The following SEMA5A variants were observed in gnomAD, a reference collection of about 807,000 sequenced individuals.
SEMA5A encodes semaphorin-5A.
SEMA5A carries 55 observed loss-of-function variants against 135.5 expected under a neutral mutation model. That is an observed-to-expected ratio of 0.41 (90% CI 0.33 to 0.51). SEMA5A has a LOEUF of 0.51. Ranked by LOEUF, SEMA5A falls within the 20% of genes least tolerant of loss-of-function variation. The pLI, the probability that SEMA5A is intolerant of heterozygous loss-of-function variation, is 0.37. For synonymous variants in SEMA5A, 580 were observed against 546.5 expected (o/e 1.06, Z -0.85); for missense variants, 1,290 against 1,419.9 (o/e 0.91, Z 1.47).
At position 9,545,289 on chromosome 5, in the gene SEMA5A, G is replaced by T. The variant is rs1368794731; in HGVS notation, c.-175+295C>A. 1.3e-5 allele frequency among the ~76,000 whole-genome samples: 2 copies of T among 152,060 alleles called. No individual in the cohort carries two copies. The highest frequency in any genetic ancestry group is 4.8e-5 in the African/African-American group (2 of 41,420). On this transcript the variant is annotated intron_variant, in intron 1 of 22. Coordinates refer to ENST00000382496, the MANE Select transcript of SEMA5A (RefSeq NM_003966.3). This position sits in a 1 kb window ranked among gnomAD's most constrained non-coding sequence, Gnocchi z 4.5. ...GGGTGTTGGGCAGGGGTCCCGTCTCGCCCACCGCGACACTCCGGCTCCTTA... is the reference window on the plus strand; with the variant it reads ...GGGTGTTGGGCAGGGGTCCCGTCTCTCCCACCGCGACACTCCGGCTCCTTA...
chr5:9,047,174 T>C (rs1348606915), intron 21 of SEMA5A, among the ~76,000 whole-genome samples: 2 of 152,218 alleles, frequency 1.3e-5, no homozygotes, highest in Non-Finnish European at 2.9e-5. Flanking sequence ...CTGTTAGCAC[T>C]CTCAGGGTCA....
intron 5 of SEMA5A, among the ~76,000 whole-genome samples, chr5:9,251,743 G>C (rs762301555): frequency 2.6e-5 from 4 of 152,196 alleles, no homozygotes; most frequent in Non-Finnish European, 4.4e-5. Flanking sequence ...TAAAAGAGCT[G>C]CCGGCAAGAC....
At chr5:9,350,669 T>A (rs1226176406) in intron 3 of SEMA5A, among the ~76,000 whole-genome samples, 1 of 152,168 alleles carries the variant, frequency 6.6e-6, no homozygotes, top group East Asian at 1.9e-4. Flanking sequence ...ACATTGCATT[T>A]CTTTGGTTGG....
At chr5:9,178,737 A>T (rs565394484) in intron 11 of SEMA5A, among the ~76,000 whole-genome samples, 1 of 152,338 alleles carries the variant, frequency 6.6e-6, no homozygotes, top group African/African-American at 2.4e-5. Flanking sequence ...ATGGATGAAG[A>T]TGGAGGAGCC....
intron 16 of SEMA5A, among the ~76,000 whole-genome samples, chr5:9,106,021 C>A (rs1739892764): frequency 6.6e-6 from 1 of 152,090 alleles, no homozygotes; most frequent in Non-Finnish European, 1.5e-5. Flanking sequence ...GGCATTCCTG[C>A]CTTAGGACAG....
intron 4 of SEMA5A, among the ~76,000 whole-genome samples, chr5:9,326,155 C>T (rs758300529): frequency 1.3e-5 from 2 of 152,178 alleles, no homozygotes; most frequent in Non-Finnish European, 2.9e-5. Flanking sequence ...TCCTTCCATC[C>T]TCACTGCTGT....
chr5:9,501,031 T>C lies in SEMA5A; in HGVS notation c.-175+44553A>G, dbSNP rs140921148. 3.3e-5 allele frequency among the ~76,000 whole-genome samples: 5 copies of C among 152,314 alleles called. No individual in the cohort carries two copies. The East Asian group carries it at 9.6e-4, about 29-fold the overall frequency. On this transcript the variant is annotated intron_variant, in intron 1 of 22. Coordinates refer to ENST00000382496, the MANE Select transcript of SEMA5A (RefSeq NM_003966.3). ...TTTATGAAAAAAATCTAGATACTAA[T>C]ATAATGGTCCCTGTGTGAGGCTAGA...
chr5:9,431,652 C>A (rs1218714660), intron 2 of SEMA5A, among the ~76,000 whole-genome samples: 1 of 152,106 alleles, frequency 6.6e-6, no homozygotes, highest in Admixed American at 6.5e-5. Flanking sequence ...CCCCAAAGTC[C>A]CATGAAATCC....
intron 5 of SEMA5A, among the ~76,000 whole-genome samples, chr5:9,257,399 T>C (rs1805947): frequency 0.37 from 55,785 of 151,648 alleles, 10,904 homozygotes; most frequent in East Asian, 0.48. Context: ...ACAACTATTC[T>C]AAGTGGAAAA....
chr5:9,235,387 T>C (rs1747845736), intron 6 of SEMA5A, among the ~76,000 whole-genome samples: 1 of 152,302 alleles, frequency 6.6e-6, no homozygotes. Flanking sequence ...TGTCTGGCAA[T>C]GTGTTTCCTG....
chr5:9,249,754 C>T (rs1579709640), intron 5 of SEMA5A, among the ~76,000 whole-genome samples: 1 of 152,124 alleles, frequency 6.6e-6, no homozygotes, highest in South Asian at 2.1e-4. Context: ...AGGAACATTT[C>T]TTAGGGAGGT....
At chr5:9,403,110 C>T (rs1251373716) in intron 2 of SEMA5A, among the ~76,000 whole-genome samples, 20 of 152,156 alleles carry the variant, frequency 1.3e-4, no homozygotes. Context: ...TATGAAGATC[C>T]ACTACAAATG....
intron 5 of SEMA5A, among the ~76,000 whole-genome samples, chr5:9,257,750 C>T (rs2150505756): frequency 6.6e-6 from 1 of 152,230 alleles, no homozygotes; most frequent in African/African-American, 2.4e-5. Flanking sequence ...TTACATGCAT[C>T]AAGGTGGTGG....
In SEMA5A at chr5:9,136,731, T is replaced by A. The variant is rs938750287; in HGVS notation, c.1482-110A>T. 4 of 814,688 alleles carry A rather than the reference T, an allele frequency of 4.9e-6. No homozygotes were observed. The African/African-American group carries it at 6.7e-5, about 14-fold the overall frequency. The allele number at this position is 814,688 out of a possible 1,614,324, so 50.5% of individuals were successfully genotyped here. On this transcript the variant is annotated intron_variant, in intron 12 of 22. Coordinates refer to ENST00000382496, the MANE Select transcript of SEMA5A (RefSeq NM_003966.3). The stretch of plus-strand genomic sequence containing the variant: ...AGAGAGGTATGGGATTTCTTACATA[T>A]GAAGCCCAATGGGTATTTAGGCTGC...
intron 1 of SEMA5A, among the ~76,000 whole-genome samples, chr5:9,537,323 T>C (rs1378147139): frequency 6.6e-6 from 1 of 152,252 alleles, no homozygotes; most frequent in East Asian, 1.9e-4. Context: ...TCCAATCTTG[T>C]AACCAGCCAG....
intron 16 of SEMA5A, among the ~76,000 whole-genome samples, chr5:9,071,161 C>A (rs554692460): frequency 6.6e-6 from 1 of 152,142 alleles, no homozygotes; most frequent in Non-Finnish European, 1.5e-5. Context: ...ATGTTCCCCA[C>A]GTATTATGTA....
At chr5:9,205,302 T>C (rs1745949644) in intron 8 of SEMA5A, among the ~76,000 whole-genome samples, 1 of 151,996 alleles carries the variant, frequency 6.6e-6, no homozygotes, top group Non-Finnish European at 1.5e-5. Flanking sequence ...ACCACAGTTA[T>C]CATGGAAGTC....
chr5:9,296,110 A>G (rs954657785), intron 5 of SEMA5A, among the ~76,000 whole-genome samples: 1 of 152,208 alleles, frequency 6.6e-6, no homozygotes, highest in Non-Finnish European at 1.5e-5. Flanking sequence ...AATCATGCCA[A>G]TTTTTAAAGG....
chr5:9,480,570 T>C (rs1759837880), intron 1 of SEMA5A, among the ~76,000 whole-genome samples: 1 of 152,208 alleles, frequency 6.6e-6, no homozygotes, highest in Admixed American at 6.5e-5. Flanking sequence ...GAATACGCCA[T>C]GTCTATTCTT....
Sources: allele counts gnomAD v4.1 joint callset (sites outside exome capture counted in the v4.1 genomes callset), GRCh38; gene constraint gnomAD v4.1.1; non-coding constraint Gnocchi (gnomAD v3.1); transcripts MANE v1.5; gene names NCBI Gene and HGNC (gene_info 2026-07-23, HGNC 2026-07-21).